The following RDH8 variants were observed in gnomAD, a reference collection of about 807,000 sequenced individuals.
RDH8 encodes photoreceptor outer segment all-trans retinol dehydrogenase.
In RDH8, 14 loss-of-function variants were observed where a neutral mutation model predicts 22.3. The observed-to-expected ratio is 0.63, with a 90% confidence interval of 0.42 to 0.98. The LOEUF (loss-of-function observed/expected upper bound fraction) is 0.98, where lower values mean the gene tolerates loss of function less well. RDH8 is among the 50% of genes least tolerant of loss of function. RDH8 has a pLI of 0.00. For missense variants in RDH8, 389 were observed against 409.8 expected, an observed-to-expected ratio of 0.95 and a Z score of 0.44; for synonymous variants, 175 against 171.7, an observed-to-expected ratio of 1.02 and a Z score of -0.15.
chr19:10,016,834 C>G (rs978666276), intron 1 of RDH8, among the ~76,000 whole-genome samples: 1 of 152,086 alleles, frequency 6.6e-6, no homozygotes, highest in Non-Finnish European at 1.5e-5. Flanking sequence ...ATAGTAGATG[C>G]TCAATAAATG....
chr19:10,018,967 T>G (rs1382968054), intron 3 of RDH8, 57 bp downstream of exon 3: 21 of 1,398,214 alleles, frequency 1.5e-5, no homozygotes, highest in African/African-American at 2.9e-5. Context: ...CTCCCCAGAC[T>G]GGGAGGATGG....
At chr19:10,019,883 G>T (rs60691332) in intron 3 of RDH8, among the ~76,000 whole-genome samples, 5,904 of 152,092 alleles carry the variant, frequency 0.039, 165 homozygotes, top group South Asian at 0.12. Context: ...GTTCATGCCT[G>T]TAATCCCAGC....
intron 1 of RDH8, among the ~76,000 whole-genome samples, chr19:10,014,750 C>G (rs1396079210): frequency 6.6e-6 from 1 of 152,052 alleles, no homozygotes; most frequent in Non-Finnish European, 1.5e-5. Flanking sequence ...TTGGCCAGAC[C>G]GGTCTCGAAC....
intron 1 of RDH8, 47 bp from the exon 2 acceptor site, chr19:10,017,010 G>C: frequency 6.8e-7 from 1 of 1,460,434 alleles, no homozygotes; most frequent in South Asian, 1.5e-5. Flanking sequence ...CCACACCAAG[G>C]GGAAAGGAGC....
In RDH8 at chr19:10,017,048, GC is replaced by G; in HGVS notation, c.104-5del. ...AGTGCCTGTCCCTGCTTTACTCTCTGCCCCGCAGTCGTGGCCACCATGAGGG... is the reference window on the plus strand; with the variant it reads ...AGTGCCTGTCCCTGCTTTACTCTCTGCCCGCAGTCGTGGCCACCATGAGGG... On this transcript the variant is annotated splice_region_variant and splice_polypyrimidine_tract_variant and intron_variant, in intron 1 of 5. Coordinates refer to ENST00000591589, the MANE Select transcript of RDH8 (RefSeq NM_015725.4). The G allele has an allele frequency of 1.3e-6, 2 of 1,548,504 alleles. No homozygotes were observed. The highest frequency in any genetic ancestry group is 1.8e-5 in the Admixed American group (1 of 54,160).
At chr19:10,016,828 T>C (rs2087621586) in intron 1 of RDH8, among the ~76,000 whole-genome samples, 2 of 152,160 alleles carry the variant, frequency 1.3e-5, no homozygotes, top group African/African-American at 4.8e-5. Flanking sequence ...TAGTGTATAG[T>C]AGATGCTCAA....
At chr19:10,019,693 C>T (rs970565704) in intron 3 of RDH8, among the ~76,000 whole-genome samples, 4 of 151,794 alleles carry the variant, frequency 2.6e-5, no homozygotes, top group Admixed American at 2.0e-4. Flanking sequence ...CCCAGCTACT[C>T]GGGGTGCTGA....
In RDH8 at chr19:10,022,025, TC is replaced by T. The variant is rs570288343; in HGVS notation, c.*278del. ...TGTCTCTGGGAAAGCAAGGGAGGCT[TC>T]CTGGAGGAAGCGGCATTGTTATGAG... is the stretch of plus-strand genomic sequence containing the variant. On this transcript the variant is annotated 3_prime_UTR_variant, in exon 6 of 6. Transcript: ENST00000591589. 154 of 477,604 alleles carry T rather than the reference TC, an allele frequency of 3.2e-4. 2 individuals are homozygous for T. The South Asian group carries it at 3.7e-3, about 11-fold the overall frequency. 29.6% of individuals were successfully genotyped at this position (477,604 alleles called of 1,614,324 possible).
rs1163889063 is a variant in RDH8, at chr19:10,013,525, A to G, written c.28A>G (p.Ile10Val). Residue 10 changes from isoleucine to valine, a missense_variant, in exon 1 of 6, where the codon ATC becomes GTC. Coordinates refer to ENST00000591589, the MANE Select transcript of RDH8 (RefSeq NM_015725.4). ...GGCCGCTGCACCCCGGACTGTGTTGATCTCCGGCTGCTCATCAGGAATTGG... is the reference window on the plus strand; with the variant it reads ...GGCCGCTGCACCCCGGACTGTGTTGGTCTCCGGCTGCTCATCAGGAATTGG... MAAAPRTVL[I>V]SGCSSGIGLE... 7 of 1,613,544 alleles carry G rather than the reference A, an allele frequency of 4.3e-6. No individual in the cohort carries two copies. The African/African-American group carries it at 8.0e-5, about 18-fold the overall frequency.
intron 4 of RDH8, 78 bp from the exon 5 acceptor site, chr19:10,021,175 TAA>T (rs374839771): frequency 3.2e-3 from 3,538 of 1,112,516 alleles, no homozygotes; most frequent in Non-Finnish European, 3.8e-3. Context: ...CCCTGTATCT[TAA>T]AAAAAAAAAA....
chr19:10,015,305 T>G (rs1376874309), intron 1 of RDH8, among the ~76,000 whole-genome samples: 1 of 151,504 alleles, frequency 6.6e-6, no homozygotes, highest in East Asian at 2.0e-4. Context: ...TACAAAAAAT[T>G]AGCCAGGCGT....
chr19:10,020,864 G>T, intron 4 of RDH8, 62 bp downstream of exon 4: 1 of 1,214,270 alleles, frequency 8.2e-7, no homozygotes, highest in Non-Finnish European at 1.2e-6. Context: ...GCATCGAAAG[G>T]GGGAGAGGAG....
intron 1 of RDH8, 92 bp downstream of exon 1, chr19:10,013,692 T>A (rs1326468801): frequency 1.4e-6 from 2 of 1,393,480 alleles, no homozygotes; most frequent in South Asian, 2.4e-5. Context: ...GCTGCACTTG[T>A]GGGCTTGGGG....
intron 3 of RDH8, 79 bp from the exon 4 acceptor site, chr19:10,020,630 C>A: frequency 1.2e-6 from 1 of 856,710 alleles, no homozygotes; most frequent in East Asian, 2.6e-5. Flanking sequence ...CTCTGTCTCC[C>A]AAAGACCCCA....
In RDH8 at chr19:10,021,672, C is replaced by T. The variant is rs746490334; in HGVS notation, c.859C>T (p.Arg287Cys). Residue 287 changes from arginine (R) to cysteine (C), a missense_variant, in exon 6 of 6, where the codon CGC (arginine) becomes TGC (cysteine). By Grantham distance (180) the Arg-to-Cys change is radical (BLOSUM62 -3). Coordinates refer to ENST00000591589, the MANE Select transcript of RDH8 (RefSeq NM_015725.4). Reference sequence around the variant, plus strand: ...GCGAACGACCCACCGCCTCCTCTTCCGCTGTCCACGCCTCCTCAACCTTGG... The same window carrying T: ...GCGAACGACCCACCGCCTCCTCTTCTGCTGTCCACGCCTCCTCAACCTTGG... ...YVRTTHRLLFRCPRLLNLGLQ... is the reference protein window; with the variant it reads ...YVRTTHRLLFCCPRLLNLGLQ... 9.9e-6 allele frequency: 16 copies of T among 1,614,044 alleles called. No homozygotes were observed. The highest frequency in any genetic ancestry group is 4.5e-5 in the East Asian group (2 of 44,898).
rs761795078 is a variant in RDH8 at position 10,018,931 on chromosome 19, C to A, written c.442+21C>A. Reference sequence around the variant, plus strand: ...GCAGGGTGAGCTGTGGGGACCCAACCCTGGAAATCCCACCAGTGTCTGATC... The same window carrying A: ...GCAGGGTGAGCTGTGGGGACCCAACACTGGAAATCCCACCAGTGTCTGATC... On this transcript the variant is annotated intron_variant, in intron 3 of 5. Coordinates refer to ENST00000591589, the MANE Select transcript of RDH8 (RefSeq NM_015725.4). 5 of 1,571,786 alleles carry A rather than the reference C, an allele frequency of 3.2e-6. No homozygotes were observed. In the South Asian group the frequency reaches 3.5e-5, roughly 11 times the overall value.
intron 1 of RDH8, among the ~76,000 whole-genome samples, chr19:10,016,667 T>A (rs2087619956): frequency 1.3e-5 from 2 of 151,588 alleles, no homozygotes; most frequent in Non-Finnish European, 2.9e-5. Context: ...AGATGGGATC[T>A]CGCTATACTT....
chr19:10,021,680 A>G lies in RDH8; in HGVS notation c.867A>G (p.Pro289=). Residue 289 remains proline, a synonymous_variant, in exon 6 of 6, where the codon CCA becomes CCG. Coordinates refer to ENST00000591589, the MANE Select transcript of RDH8 (RefSeq NM_015725.4). ...RTTHRLLFRC[P]RLLNLGLQCL... ...CCCACCGCCTCCTCTTCCGCTGTCC[A>G]CGCCTCCTCAACCTTGGCCTTCAAT... 1 of 1,614,036 alleles carries G rather than the reference A, an allele frequency of 6.2e-7. No homozygotes were observed. Among genetic ancestry groups the G allele is most frequent in the South Asian group, 1.1e-5 (1 of 91,070 alleles).
rs1255670615 is a variant in RDH8 at position 10,020,736 on chromosome 19, C to T, written c.470C>T (p.Ala157Val). 2.5e-6 allele frequency: 4 copies of T among 1,611,172 alleles called. No individual in the cohort carries two copies. Among genetic ancestry groups the T allele is most frequent in the Non-Finnish European group, 3.4e-6 (4 of 1,178,522 alleles). ...GTCATCTTCAACGATGTCTATGCAG[C>T]TTCCAAGTTCGCCCTGGAGGGATTC... ...QGVIFNDVYAASKFALEGFFE... is the reference protein window; with the variant it reads ...QGVIFNDVYAVSKFALEGFFE... Residue 157 changes from alanine to valine, a missense_variant, in exon 4 of 6, where the codon GCT (alanine) becomes GTT (valine). Physicochemically the swap from Ala to Val is moderately conservative, Grantham distance 64. Coordinates refer to ENST00000591589, the MANE Select transcript of RDH8 (RefSeq NM_015725.4).
Sources: gnomAD v4.1 joint callset for allele counts (sites outside exome capture counted in the v4.1 genomes callset) on GRCh38, gnomAD v4.1.1 for gene constraint, MANE v1.5 for transcripts, NCBI Gene and HGNC (gene_info 2026-07-23, HGNC 2026-07-21) for gene names.